Variants in NOX4 observed in about 807,000 individuals in gnomAD.
NOX4 encodes the protein NADPH oxidase 4.
Under a neutral mutation model 87.6 loss-of-function variants are expected in NOX4, and 69 were observed. The observed-to-expected ratio is 0.79, with a 90% CI of 0.65 to 0.96. NOX4 has a LOEUF of 0.96. NOX4 is among the 40% of genes least tolerant of loss of function. NOX4 has a pLI of 0.00. For synonymous variants in NOX4, 275 were observed against 238.2 expected (o/e 1.15, Z -1.42); for missense variants, 680 against 681.5 (o/e 1.00, Z 0.02).
chr11:89,384,017 C>T (rs927598003), intron 11 of NOX4, among the ~76,000 whole-genome samples: 6 of 152,118 alleles, frequency 3.9e-5, no homozygotes, highest in South Asian at 4.1e-4. Flanking sequence ...TGTAATCACT[C>T]GCCTGTTACA....
Position 89,407,282 on chromosome 11 carries a change from CAAG to C in NOX4, c.630-4743_630-4741del, listed in dbSNP as rs141312652. On this transcript the variant is annotated intron_variant, in intron 8 of 17. Coordinates refer to ENST00000263317, the MANE Select transcript of NOX4 (RefSeq NM_016931.5). ...TGCTAAATAATTTTAAAGCAAAAAA[CAAG>C]AAGGGAAAAAGACATTAGTGAATGG... is the stretch of plus-strand genomic sequence containing the variant. Among the ~76,000 whole-genome samples, 1,171 of 151,920 alleles carry C rather than the reference CAAG, an allele frequency of 7.7e-3. 16 individuals are homozygous for C. Among genetic ancestry groups the C allele is most frequent in the African/African-American group, 0.027 (1,113 of 41,446 alleles).
chr11:89,355,687 G>T (rs1937994279), intron 12 of NOX4, among the ~76,000 whole-genome samples: 1 of 152,090 alleles, frequency 6.6e-6, no homozygotes, highest in East Asian at 1.9e-4. Context: ...ATCAACCTAA[G>T]CTCTTATGTA....
At chr11:89,363,130 T>A (rs188552174) in intron 12 of NOX4, among the ~76,000 whole-genome samples, 1 of 152,148 alleles carries the variant, frequency 6.6e-6, no homozygotes, top group Non-Finnish European at 1.5e-5. Context: ...CTCTGAGAGT[T>A]TGGAATAGAA....
chr11:89,512,065 G>C, the NOX4 span, among the ~76,000 whole-genome samples: 2 of 151,942 alleles, frequency 1.3e-5, no homozygotes, highest in South Asian at 4.1e-4. Flanking sequence ...TTATCAGCTT[G>C]CCTTATATAT....
At chr11:89,490,039 T>C (rs868471606) in intron 2 of NOX4, among the ~76,000 whole-genome samples, 4 of 152,048 alleles carry the variant, frequency 2.6e-5, no homozygotes, top group Middle Eastern at 3.2e-3. Flanking sequence ...TTTGTGAGAG[T>C]TGTCAGTAAA....
At chr11:89,390,106 G>A (rs1005388960) in intron 11 of NOX4, among the ~76,000 whole-genome samples, 4 of 152,164 alleles carry the variant, frequency 2.6e-5, no homozygotes, top group Admixed American at 2.0e-4. Context: ...CAGTGAAAAT[G>A]TTTGAAAGCA....
chr11:89,428,424 A>C (rs1355765332), intron 7 of NOX4, among the ~76,000 whole-genome samples: 3 of 152,234 alleles, frequency 2.0e-5, no homozygotes, highest in Non-Finnish European at 2.9e-5. Flanking sequence ...ACAGACTGGC[A>C]AACTGGATAG....
chr11:89,381,596 C>T (rs1940288082), intron 11 of NOX4, among the ~76,000 whole-genome samples: 1 of 152,152 alleles, frequency 6.6e-6, no homozygotes, highest in South Asian at 2.1e-4. Context: ...CCATCTGCAC[C>T]CAGGTGATTA....
chr11:89,352,283 T>C (rs955171698), intron 13 of NOX4, among the ~76,000 whole-genome samples: 2 of 152,208 alleles, frequency 1.3e-5, no homozygotes, highest in African/African-American at 4.8e-5. Flanking sequence ...TTAAAATTAC[T>C]GCTCATTGAC....
chr11:89,439,542 G>T (rs1944366686), intron 6 of NOX4, among the ~76,000 whole-genome samples: 1 of 152,086 alleles, frequency 6.6e-6, no homozygotes, highest in Non-Finnish European at 1.5e-5. Context: ...GAAAAATAAT[G>T]CATTTGCCAG....
At chr11:89,520,138 C>T in the NOX4 span, among the ~76,000 whole-genome samples, 18,136 of 151,772 alleles carry the variant, frequency 0.12, 1,375 homozygotes, top group Admixed American at 0.23. Flanking sequence ...GAAGGCGTAG[C>T]TCCCCAATAT....
the NOX4 span, among the ~76,000 whole-genome samples, chr11:89,561,021 C>CATATAT: frequency 6.0e-5 from 3 of 49,742 alleles, no homozygotes; most frequent in Non-Finnish European, 1.1e-4. Context: ...TATATATATA[C>CATATAT]ATACACACAC....
chr11:89,429,080 G>A (rs1461604860), intron 7 of NOX4, among the ~76,000 whole-genome samples: 3 of 152,164 alleles, frequency 2.0e-5, no homozygotes, highest in Non-Finnish European at 4.4e-5. Flanking sequence ...CAACTGCATG[G>A]AAACTGAACA....
At chr11:89,403,539 A>G (rs1418097471) in intron 8 of NOX4, among the ~76,000 whole-genome samples, 3 of 152,120 alleles carry the variant, frequency 2.0e-5, no homozygotes, top group Admixed American at 6.6e-5. Context: ...CAGGAGTTCG[A>G]GACCAGCCTG....
chr11:89,566,162 C>G, the NOX4 span, among the ~76,000 whole-genome samples: 2 of 151,764 alleles, frequency 1.3e-5, no homozygotes, highest in Non-Finnish European at 2.9e-5. Flanking sequence ...CCTGCCTCAG[C>G]CTCCTGAGTA....
At chr11:89,502,044 G>A (rs1947027721), upstream of NOX4, among the ~76,000 whole-genome samples, 1 of 152,074 alleles carries the variant, frequency 6.6e-6, no homozygotes, top group East Asian at 1.9e-4. Flanking sequence ...AGACCTGAAA[G>A]AGAAGACTAT....
rs1343859563 is a variant in NOX4, at chr11:89,491,288, GAGA to G, written c.-45_-43del. 2.5e-6 allele frequency: 4 copies of G among 1,583,926 alleles called. No homozygotes were observed. On this transcript the variant is annotated 5_prime_UTR_variant, in exon 1 of 18. Coordinates refer to ENST00000263317, the MANE Select transcript of NOX4 (RefSeq NM_016931.5). The stretch of plus-strand genomic sequence containing the variant: ...CGCTGCGCTCTGTGCCCGCCGGACC[GAGA>G]AGGAGCGGGCGGCGGCCGGGGCAGC...
chr11:89,418,683 C>G (rs1056641071), intron 8 of NOX4, among the ~76,000 whole-genome samples: 1 of 151,722 alleles, frequency 6.6e-6, no homozygotes, highest in Non-Finnish European at 1.5e-5. Context: ...ACAGAAATTA[C>G]AGTAAAATAA....
chr11:89,451,969 G>A (rs1177339683), intron 2 of NOX4, 74 bp from the exon 3 acceptor site: 1 of 946,086 alleles, frequency 1.1e-6, no homozygotes, highest in East Asian at 2.4e-5. Context: ...AGAAGCTAGA[G>A]GTCTCACCCT....
Sources: allele counts gnomAD v4.1 joint callset (sites outside exome capture counted in the v4.1 genomes callset), GRCh38; gene constraint gnomAD v4.1.1; transcripts MANE v1.5; gene names NCBI Gene and HGNC (gene_info 2026-07-23, HGNC 2026-07-21).